PAFAH1B1: variants seen among roughly 807,000 people sequenced by gnomAD.
The protein encoded by PAFAH1B1 is platelet-activating factor acetylhydrolase IB subunit beta.
In PAFAH1B1, 2 loss-of-function variants were observed where a neutral mutation model predicts 57.5. The ratio of observed to expected loss-of-function variants is 0.03; its 90% CI spans 0.01 to 0.11. PAFAH1B1 has a LOEUF of 0.11. Ranked by LOEUF, PAFAH1B1 falls within the 10% of genes least tolerant of loss-of-function variation. The pLI is 1.00. For missense variants in PAFAH1B1, 257 were observed against 512.0 expected, an observed-to-expected ratio of 0.50 and a Z score of 4.81; for synonymous variants, 152 against 169.6, an observed-to-expected ratio of 0.90 and a Z score of 0.81.
chr17:2,651,566 C>G (rs1334003691), intron 2 of PAFAH1B1, among the ~76,000 whole-genome samples: 4 of 147,620 alleles, frequency 2.7e-5, no homozygotes, highest in Admixed American at 2.1e-4. Flanking sequence ...ACTTGGGTAA[C>G]AGAGTGAGAC....
Position 2,614,811 on chromosome 17 carries a change from C to T in PAFAH1B1, c.-191+20805C>T, listed in dbSNP as rs575065956. Among the ~76,000 whole-genome samples, 89 of 152,122 alleles carry T rather than the reference C, an allele frequency of 5.9e-4. 1 individual carries two copies. Among genetic ancestry groups the T allele is most frequent in the African/African-American group, 2.0e-3 (83 of 41,468 alleles). ...CTGCGTTGCCCAGGCCGGTGTTAAA[C>T]TTCTGGCCTCAAGCAATCCTCCCAC... is the stretch of plus-strand genomic sequence containing the variant. On this transcript the variant is annotated intron_variant, in intron 1 of 10. Transcript: ENST00000397195.
intron 1 of PAFAH1B1, among the ~76,000 whole-genome samples, chr17:2,615,104 A>G (rs2068321555): frequency 6.6e-6 from 1 of 152,208 alleles, no homozygotes; most frequent in Admixed American, 6.6e-5. Flanking sequence ...TTTTCCTGTC[A>G]TTATTCCCTG....
chr17:2,682,110 G>A lies in PAFAH1B1; in HGVS notation c.*308G>A, dbSNP rs559673071. Reference sequence around the variant, plus strand: ...AACTAGGGCACTAAACTGAATAGTTGACAGTGTCATTTTATGTTGGATTAT... The same window carrying A: ...AACTAGGGCACTAAACTGAATAGTTAACAGTGTCATTTTATGTTGGATTAT... On this transcript the variant is annotated 3_prime_UTR_variant, in exon 11 of 11. Coordinates refer to ENST00000397195, the MANE Select transcript of PAFAH1B1 (RefSeq NM_000430.4). 1.7e-4 allele frequency: 48 copies of A among 285,014 alleles called. No homozygotes were observed. The highest frequency in any genetic ancestry group is 2.8e-4 in the Non-Finnish European group (42 of 151,886). The allele number at this position is 285,014 out of a possible 1,614,324, so 17.7% of individuals were successfully genotyped here.
intron 5 of PAFAH1B1, 119 bp from the exon 6 acceptor site, chr17:2,670,044 C>T: frequency 1.2e-6 from 1 of 829,512 alleles, no homozygotes; most frequent in Non-Finnish European, 2.1e-6. Flanking sequence ...AATAGTTATC[C>T]TTTGTTACTT....
At chr17:2,658,890 T>TG (rs1220072332) in intron 2 of PAFAH1B1, among the ~76,000 whole-genome samples, 11 of 152,202 alleles carry the variant, frequency 7.2e-5, no homozygotes, top group Admixed American at 6.5e-5. Context: ...ATAAGACCTA[T>TG]GGCCAGGAAC....
intron 1 of PAFAH1B1, among the ~76,000 whole-genome samples, chr17:2,626,358 TAACTC>T (rs1567534618): frequency 2.6e-5 from 4 of 152,300 alleles, no homozygotes; most frequent in Non-Finnish European, 4.4e-5. Context: ...ATAAGTATGA[TAACTC>T]AATCATATAC....
intron 1 of PAFAH1B1, among the ~76,000 whole-genome samples, chr17:2,605,857 T>C (rs1197400644): frequency 6.6e-6 from 1 of 152,186 alleles, no homozygotes; most frequent in Non-Finnish European, 1.5e-5. Flanking sequence ...CAATAAATAT[T>C]GTTATTATGG....
intron 5 of PAFAH1B1, among the ~76,000 whole-genome samples, chr17:2,668,711 C>T (rs1211777380): frequency 6.6e-6 from 1 of 150,804 alleles, no homozygotes; most frequent in Non-Finnish European, 1.5e-5. Flanking sequence ...CACGGTAGCT[C>T]ATGCCTGTAA....
chr17:2,681,778 A>G lies in PAFAH1B1; in HGVS notation c.1209A>G (p.Thr403=), dbSNP rs1157380313. 2 of 1,612,506 alleles carry G rather than the reference A, an allele frequency of 1.2e-6. No individual in the cohort carries two copies. Among genetic ancestry groups the G allele is most frequent in the South Asian group, 1.1e-5 (1 of 90,994 alleles). Residue 403 remains threonine (T), a synonymous_variant, in exon 11 of 11, where the codon ACA becomes ACG. Transcript: ENST00000397195. ...TCGTCACTGGCAGCGTAGATCAAAC[A>G]GTAAAAGTGTGGGAGTGCCGTTGAT... The part of the protein sequence containing the change: ...PYVVTGSVDQ[T]VKVWECR
At chr17:2,653,416 A>C (rs924065265) in intron 2 of PAFAH1B1, among the ~76,000 whole-genome samples, 18 of 138,036 alleles carry the variant, frequency 1.3e-4, no homozygotes, top group Non-Finnish European at 6.6e-5. Context: ...ACTTAAAAGT[A>C]TTAAAAAAAA....
At chr17:2,620,188 G>C (rs2068401242) in intron 1 of PAFAH1B1, among the ~76,000 whole-genome samples, 1 of 152,154 alleles carries the variant, frequency 6.6e-6, no homozygotes, top group African/African-American at 2.4e-5. Context: ...TTGTAGCTTA[G>C]AACTTTAGGT....
chr17:2,636,075 C>T (rs763825193), intron 1 of PAFAH1B1, among the ~76,000 whole-genome samples: 11 of 151,876 alleles, frequency 7.2e-5, no homozygotes, highest in Non-Finnish European at 1.6e-4. Context: ...TGCCACTGTA[C>T]GCCAGCCTGG....
intron 1 of PAFAH1B1, among the ~76,000 whole-genome samples, chr17:2,626,371 T>C (rs1430426841): frequency 1.3e-5 from 2 of 152,208 alleles, no homozygotes; most frequent in African/African-American, 4.8e-5. Flanking sequence ...CTCAATCATA[T>C]ACTTGTGCTT....
At chr17:2,650,484 C>T (rs2068833321) in intron 2 of PAFAH1B1, among the ~76,000 whole-genome samples, 1 of 150,640 alleles carries the variant, frequency 6.6e-6, no homozygotes, top group Admixed American at 6.6e-5. Flanking sequence ...TGCACTCCAG[C>T]CTGGGTGACA....
In PAFAH1B1 at chr17:2,684,412, T is replaced by TA. The variant is rs2069439107; in HGVS notation, c.*2610_*2611insA. The TA allele has an allele frequency of 1.3e-5, 2 of 152,610 alleles. No individual in the cohort carries two copies. The highest frequency in any genetic ancestry group is 2.9e-5 in the Non-Finnish European group (2 of 68,056). The allele number at this position is 152,610 out of a possible 1,614,324, so 9.5% of individuals were successfully genotyped here. A position where few individuals can be genotyped will look rare whatever the true frequency, so the allele number is the denominator to read the frequency against. ...TGGTTTGGATTGTAAGTAGAGGACTTTTATTAATTGGTTTAGAGGTTCACT... is the reference window on the plus strand; with the variant it reads ...TGGTTTGGATTGTAAGTAGAGGACTTATTATTAATTGGTTTAGAGGTTCACT... On this transcript the variant is annotated 3_prime_UTR_variant, in exon 11 of 11. Transcript: ENST00000397195.
Position 2,596,259 on chromosome 17 carries a change from A to G in PAFAH1B1, c.-191+2253A>G, listed in dbSNP as rs148272288. ...TAATGTTTTTTATTGTTCTCGCCAT[A>G]TAAGTATAAATTAATGTCAGAAATA... On this transcript the variant is annotated intron_variant, in intron 1 of 10. Coordinates refer to ENST00000397195, the MANE Select transcript of PAFAH1B1 (RefSeq NM_000430.4). Among the ~76,000 whole-genome samples the G allele has an allele frequency of 1.1e-3, 166 of 152,312 alleles. No homozygotes were observed. In the East Asian group the frequency reaches 0.017, roughly 16 times the overall value.
At chr17:2,672,389 G>A (rs1010107053) in intron 6 of PAFAH1B1, among the ~76,000 whole-genome samples, 1 of 150,394 alleles carries the variant, frequency 6.6e-6, no homozygotes, top group Admixed American at 6.7e-5. Context: ...GTTGATAATC[G>A]TGATGCCTTT....
intron 6 of PAFAH1B1, among the ~76,000 whole-genome samples, chr17:2,672,018 A>G (rs2069191131): frequency 6.6e-6 from 1 of 152,108 alleles, no homozygotes; most frequent in African/African-American, 2.4e-5. Context: ...CTATAATCTC[A>G]GCACTTTTGG....
intron 1 of PAFAH1B1, among the ~76,000 whole-genome samples, chr17:2,619,364 G>A (rs575221049): frequency 1.2e-3 from 176 of 152,044 alleles, no homozygotes; most frequent in Non-Finnish European, 1.9e-3. Context: ...CACTAGCTGG[G>A]ACTACAAGCA....
Sources: gnomAD v4.1 joint callset for allele counts (sites outside exome capture counted in the v4.1 genomes callset) on GRCh38, gnomAD v4.1.1 for gene constraint, MANE v1.5 for transcripts, NCBI Gene and HGNC (gene_info 2026-07-23, HGNC 2026-07-21) for gene names.